Variants in TTC6 observed in about 807,000 individuals in gnomAD.
TTC6 encodes tetratricopeptide repeat domain 6.
In TTC6, 172 loss-of-function variants were observed where a neutral mutation model predicts 210.4. The ratio of observed to expected loss-of-function variants is 0.82; its 90% CI spans 0.72 to 0.93. The LOEUF is 0.93. Among genes scored for constraint, TTC6 ranks in the 40% least tolerant of loss-of-function variants. The pLI, the probability that TTC6 is intolerant of heterozygous loss-of-function variation, is 0.00. For missense variants in TTC6, 2,414 were observed against 2,318.1 expected, an observed-to-expected ratio of 1.04 and a Z score of -0.85; for synonymous variants, 804 against 819.6, an observed-to-expected ratio of 0.98 and a Z score of 0.32.
intron 14 of TTC6, among the ~76,000 whole-genome samples, chr14:37,764,990 T>C (rs1364967137): frequency 6.6e-6 from 1 of 151,988 alleles, no homozygotes; most frequent in African/African-American, 2.4e-5. Context: ...TCTTTTACTG[T>C]ATAATTTTTA....
At chr14:37,804,756 C>T (rs2096114594) in exon 21 of TTC6, 2 of 1,614,054 alleles carry the variant, frequency 1.2e-6, no homozygotes, top group Non-Finnish European at 1.7e-6. Context: ...ACAGCAATTT[C>T]AGCAGACTGT....
chr14:37,796,298 C>G, exon 19 of TTC6: 1 of 1,265,550 alleles, frequency 7.9e-7, no homozygotes, highest in Non-Finnish European at 1.1e-6. Context: ...TTCCAGAGGA[C>G]AATATCTTCT....
chr14:37,762,526 A>T lies in TTC6; in HGVS notation c.3266+9291A>T, dbSNP rs1466427508. The stretch of plus-strand genomic sequence containing the variant: ...TGGTAATAGTGTGAAGTGATAGCTC[A>T]TTGTGGTTTTAATTTTTCATTTCCC... On this transcript the variant is annotated intron_variant, in intron 14 of 30. Coordinates refer to ENST00000553443, the Ensembl canonical transcript of TTC6. 3.3e-5 allele frequency among the ~76,000 whole-genome samples: 5 copies of T among 152,128 alleles called. No homozygotes were observed. In the East Asian group the frequency reaches 9.6e-4, roughly 29 times the overall value.
intron 1 of TTC6, among the ~76,000 whole-genome samples, chr14:37,659,384 A>G (rs147854658): frequency 6.6e-6 from 1 of 152,240 alleles, no homozygotes; most frequent in African/African-American, 2.4e-5. Context: ...TAGTTGAACT[A>G]ATTTACACTC....
chr14:37,841,321 G>A (rs2096209590), intron 29 of TTC6, 124 bp from the exon 32 acceptor site: 1 of 800,562 alleles, frequency 1.2e-6, no homozygotes, highest in East Asian at 2.8e-5. Context: ...TACCTGGGAT[G>A]AAATGCTTCT....
At chr14:37,646,756 T>A (rs1220366685) in intron 1 of TTC6, among the ~76,000 whole-genome samples, 1 of 152,196 alleles carries the variant, frequency 6.6e-6, no homozygotes, top group Non-Finnish European at 1.5e-5. Context: ...TCTGTATATA[T>A]TTATATATAA....
At chr14:37,818,343 T>C (rs921038493) in intron 26 of TTC6, among the ~76,000 whole-genome samples, 1 of 152,174 alleles carries the variant, frequency 6.6e-6, no homozygotes, top group Non-Finnish European at 1.5e-5. Context: ...TCTACATATA[T>C]ATTTTACATC....
At chr14:37,639,501 G>A (rs1024146806) in intron 1 of TTC6, among the ~76,000 whole-genome samples, 1 of 152,074 alleles carries the variant, frequency 6.6e-6, no homozygotes, top group Admixed American at 6.5e-5. Context: ...CTGTGTAAAT[G>A]TAAAAGTTCT....
At chr14:37,634,471 C>T (rs1167017057) in intron 1 of TTC6, among the ~76,000 whole-genome samples, 1 of 152,132 alleles carries the variant, frequency 6.6e-6, no homozygotes, top group East Asian at 1.9e-4. Flanking sequence ...AATGACAGAG[C>T]CTTACGGACC....
chr14:37,691,151 G>T (rs971112084), intron 3 of TTC6, among the ~76,000 whole-genome samples: 2 of 152,084 alleles, frequency 1.3e-5, no homozygotes, highest in African/African-American at 4.8e-5. Flanking sequence ...CCAACATGCT[G>T]AAACCCCACC....
chr14:37,637,611 G>A (rs1884061641), intron 1 of TTC6, among the ~76,000 whole-genome samples: 1 of 152,064 alleles, frequency 6.6e-6, no homozygotes, highest in Admixed American at 6.6e-5. Flanking sequence ...CTCCTACCTG[G>A]GTGACAGAGT....
chr14:37,783,137 G>A (rs1056549361), intron 14 of TTC6, among the ~76,000 whole-genome samples: 16 of 152,122 alleles, frequency 1.1e-4, no homozygotes, highest in African/African-American at 3.6e-4. Context: ...GATGATGCTG[G>A]CCTCATAAAA....
intron 14 of TTC6, among the ~76,000 whole-genome samples, chr14:37,783,079 C>T (rs2096059228): frequency 6.6e-6 from 1 of 152,016 alleles, no homozygotes; most frequent in Admixed American, 6.6e-5. Flanking sequence ...GGATATTGGT[C>T]TAAAATTCTC....
chr14:37,816,418 G>C (rs77800886), intron 25 of TTC6, among the ~76,000 whole-genome samples: 3,076 of 152,238 alleles, frequency 0.02, 50 homozygotes, highest in Non-Finnish European at 0.031. Context: ...CTCTTTTCTG[G>C]CTGGGTAGTG....
intron 14 of TTC6, among the ~76,000 whole-genome samples, chr14:37,784,378 G>A (rs2096062634): frequency 6.6e-6 from 1 of 152,100 alleles, no homozygotes. Context: ...TTATGTAATG[G>A]CCTCCTTGTG....
At chr14:37,736,340 G>A (rs2095901605) in intron 8 of TTC6, among the ~76,000 whole-genome samples, 1 of 151,990 alleles carries the variant, frequency 6.6e-6, no homozygotes, top group Admixed American at 6.6e-5. Context: ...GTGGGAGACT[G>A]TCTCAAAAAA....
intron 26 of TTC6, among the ~76,000 whole-genome samples, chr14:37,819,554 C>G (rs1430270609): frequency 1.3e-5 from 2 of 152,054 alleles, no homozygotes; most frequent in Non-Finnish European, 2.9e-5. Context: ...AATTTAGTCA[C>G]CACGAGTGTT....
chr14:37,798,341 T>C (rs1466408001), intron 20 of TTC6, among the ~76,000 whole-genome samples: 1 of 151,934 alleles, frequency 6.6e-6, no homozygotes. Flanking sequence ...GCTAAAAGTT[T>C]CCTAGTTTTC....
chr14:37,667,546 G>A (rs763983903), intron 1 of TTC6, among the ~76,000 whole-genome samples: 2 of 150,670 alleles, frequency 1.3e-5, no homozygotes, highest in Non-Finnish European at 3.0e-5. Flanking sequence ...GTCAGACATT[G>A]TCAGACATGC....
Sources: gnomAD v4.1 joint callset for allele counts (sites outside exome capture counted in the v4.1 genomes callset) on GRCh38, gnomAD v4.1.1 for gene constraint, MANE v1.5 for transcripts, NCBI Gene and HGNC (gene_info 2026-07-23, HGNC 2026-07-21) for gene names.